TRAF2: variants seen among roughly 807,000 people sequenced by gnomAD.
The protein encoded by TRAF2 is TNF receptor-associated factor 2.
TRAF2 carries 6 observed loss-of-function variants against 55.6 expected under a neutral mutation model. The ratio of observed to expected loss-of-function variants is 0.11; its 90% CI spans 0.06 to 0.21. TRAF2 has a LOEUF of 0.21. Among genes scored for constraint, TRAF2 ranks in the 10% least tolerant of loss-of-function variants. The pLI is 1.00. For synonymous variants in TRAF2, 329 were observed against 276.3 expected (o/e 1.19, Z -1.89); for missense variants, 561 against 684.5 (o/e 0.82, Z 2.01).
upstream of TRAF2, chr9:136,886,390 G>A (rs1849447496): frequency 1.0e-6 from 1 of 987,492 alleles, no homozygotes; most frequent in Non-Finnish European, 1.2e-6. Context: ...GGGCGTATCT[G>A]GCCAATGGCT....
chr9:136,910,203 C>G (rs761973598), intron 6 of TRAF2: 2 of 607,268 alleles, frequency 3.3e-6, no homozygotes, highest in Non-Finnish European at 5.9e-6. Flanking sequence ...GTCCCGAGCC[C>G]TCTTCCTCAT....
At chr9:136,925,628 C>A in intron 10 of TRAF2, 55 bp from the exon 11 acceptor site, 1 of 1,576,366 alleles carries the variant, frequency 6.3e-7, no homozygotes, top group Non-Finnish European at 8.7e-7. Flanking sequence ...CCCTCGGGAG[C>A]CAGAGAGAGA....
At chr9:136,898,952 A>AG in intron 2 of TRAF2, 24 bp downstream of exon 2, 2 of 1,576,448 alleles carry the variant, frequency 1.3e-6, no homozygotes, top group Non-Finnish European at 1.7e-6. Context: ...GCAGGCTGGG[A>AG]GGAGGGGCAG....
chr9:136,916,198 C>G (rs1850237002), intron 6 of TRAF2, among the ~76,000 whole-genome samples: 1 of 152,130 alleles, frequency 6.6e-6, no homozygotes. Flanking sequence ...GCGTTTGATT[C>G]TGGGTTTTGA....
chr9:136,918,745 T>A (rs765425437), intron 7 of TRAF2, among the ~76,000 whole-genome samples: 1 of 152,030 alleles, frequency 6.6e-6, no homozygotes, highest in Non-Finnish European at 1.5e-5. Flanking sequence ...TTTATTTCAT[T>A]TTATTTTTGA....
At chr9:136,902,709 T>C (rs933427199) in intron 4 of TRAF2, among the ~76,000 whole-genome samples, 1 of 152,192 alleles carries the variant, frequency 6.6e-6, no homozygotes, top group Non-Finnish European at 1.5e-5. Context: ...TCACTGGCTG[T>C]AAATGTCACA....
intron 1 of TRAF2, among the ~76,000 whole-genome samples, chr9:136,894,704 G>A (rs780013798): frequency 1.3e-5 from 2 of 152,140 alleles, no homozygotes; most frequent in Non-Finnish European, 2.9e-5. Context: ...GCCCTATTGT[G>A]GGTATGAAGG....
chr9:136,913,667 C>G (rs1429634448), intron 6 of TRAF2, among the ~76,000 whole-genome samples: 1 of 152,088 alleles, frequency 6.6e-6, no homozygotes, highest in Non-Finnish European at 1.5e-5. Flanking sequence ...GTATATAGTT[C>G]ATTTGCTTCA....
Position 136,899,625 on chromosome 9 carries a change from C to G in TRAF2, c.220C>G (p.His74Asp), listed in dbSNP as rs151009848. 1 of 1,613,322 alleles carries G rather than the reference C, an allele frequency of 6.2e-7. No individual in the cohort carries two copies. Among genetic ancestry groups the G allele is most frequent in the East Asian group, 2.2e-5 (1 of 44,846 alleles). Residue 74 changes from histidine (H) to aspartate (D), a missense_variant, in exon 3 of 11, where the codon CAC (histidine) becomes GAC (aspartate). Coordinates refer to ENST00000247668, the MANE Select transcript of TRAF2 (RefSeq NM_021138.4). The stretch of plus-strand genomic sequence containing the variant: ...GCCTCAGAACTGTGCTGCCTGTGTT[C>G]ACGAGGGCATATATGAAGAAGGCAT... ...SGPQNCAACV[H>D]EGIYEEGISI...
At chr9:136,924,991 C>CGA (rs1444163580) in intron 10 of TRAF2, among the ~76,000 whole-genome samples, 2 of 152,208 alleles carry the variant, frequency 1.3e-5, no homozygotes, top group African/African-American at 4.8e-5. Flanking sequence ...CCCACCTTGG[C>CGA]CTCCCAAAGT....
chr9:136,915,726 G>A (rs1164410596), intron 6 of TRAF2, among the ~76,000 whole-genome samples: 1 of 152,166 alleles, frequency 6.6e-6, no homozygotes, highest in East Asian at 1.9e-4. Context: ...CCAAGCTGTG[G>A]TGTGACCGAG....
At chr9:136,890,391 G>A (rs912476868) in intron 1 of TRAF2, 1 of 152,230 alleles carries the variant, frequency 6.6e-6, no homozygotes, top group Non-Finnish European at 1.5e-5. Flanking sequence ...CTTATGATAC[G>A]TACAGAAAGC....
chr9:136,890,184 A>T (rs1023035559), intron 1 of TRAF2, among the ~76,000 whole-genome samples: 1 of 150,826 alleles, frequency 6.6e-6, no homozygotes, highest in African/African-American at 2.5e-5. Context: ...ACGCTCGTTC[A>T]GTCGGTCACC....
chr9:136,906,466 A>G (rs1470972138), intron 4 of TRAF2, among the ~76,000 whole-genome samples: 1 of 152,092 alleles, frequency 6.6e-6, no homozygotes, highest in Non-Finnish European at 1.5e-5. Flanking sequence ...TCAAACCATC[A>G]GATCCCATGA....
chr9:136,915,331 T>C (rs1305592058), intron 6 of TRAF2, among the ~76,000 whole-genome samples: 1 of 152,074 alleles, frequency 6.6e-6, no homozygotes, highest in Non-Finnish European at 1.5e-5. Flanking sequence ...CCCATAAGCA[T>C]TGTGGGAGCA....
At chr9:136,906,290 A>AG (rs957840282) in intron 4 of TRAF2, among the ~76,000 whole-genome samples, 25 of 152,152 alleles carry the variant, frequency 1.6e-4, no homozygotes, top group Non-Finnish European at 1.8e-4. Flanking sequence ...ACTACTATAA[A>AG]GAAATACCCG....
rs913739543 is a variant in TRAF2 at position 136,918,275 on chromosome 9, T to C, written c.678+1660T>C. ...TATATATATTTATTTAATTAATTAATTTATTTATTTTTGAGGTTGAGTCTT... is the reference window on the plus strand; with the variant it reads ...TATATATATTTATTTAATTAATTAACTTATTTATTTTTGAGGTTGAGTCTT... On this transcript the variant is annotated intron_variant, in intron 7 of 10. Coordinates refer to ENST00000247668, the MANE Select transcript of TRAF2 (RefSeq NM_021138.4). 6.2e-4 allele frequency among the ~76,000 whole-genome samples: 90 copies of C among 145,986 alleles called. 1 individual carries two copies. The highest frequency in any genetic ancestry group is 6.5e-3 in the Middle Eastern group (2 of 306).
chr9:136,891,151 C>G (rs745550762), intron 1 of TRAF2, among the ~76,000 whole-genome samples: 3 of 152,138 alleles, frequency 2.0e-5, no homozygotes, highest in Non-Finnish European at 2.9e-5. Context: ...TGCTCTTGCT[C>G]AGGCTGGAGT....
intron 1 of TRAF2, among the ~76,000 whole-genome samples, chr9:136,895,899 GTAAA>G (rs1849669766): frequency 6.7e-6 from 1 of 148,812 alleles, no homozygotes; most frequent in Non-Finnish European, 1.5e-5. Flanking sequence ...CATTCCTTAA[GTAAA>G]TAAATTGCCA....
Sources: gnomAD v4.1 joint callset for allele counts (sites outside exome capture counted in the v4.1 genomes callset) on GRCh38, gnomAD v4.1.1 for gene constraint, MANE v1.5 for transcripts, NCBI Gene and HGNC (gene_info 2026-07-23, HGNC 2026-07-21) for gene names.